TRAT1: variants seen among roughly 807,000 people sequenced by gnomAD.
The protein encoded by TRAT1 is T-cell receptor-associated transmembrane adapter 1.
A neutral mutation model predicts 20.0 loss-of-function variants in TRAT1; 20 were observed. The ratio of observed to expected loss-of-function variants is 1.00; its 90% CI spans 0.70 to 1.45. The LOEUF (loss-of-function observed/expected upper bound fraction) is 1.45. Ranked by LOEUF, TRAT1 falls within the 40% of genes most tolerant of loss-of-function variation. The probability of loss-of-function intolerance (pLI) is 0.00; values close to 1 mark genes in which losing one functional copy is unlikely to be tolerated. For missense variants in TRAT1, 237 were observed against 224.1 expected (o/e 1.06, Z -0.37); for synonymous variants, 77 against 74.2 (o/e 1.04, Z -0.20).
intron 2 of TRAT1, 41 bp from the exon 3 acceptor site, chr3:108,838,893 T>A (rs1363934532): frequency 2.7e-6 from 4 of 1,482,462 alleles, no homozygotes; most frequent in East Asian, 4.5e-5. Flanking sequence ...CAAAGGTATG[T>A]CAACATTTCT....
intron 1 of TRAT1, among the ~76,000 whole-genome samples, chr3:108,826,222 G>A (rs942300646): frequency 1.3e-4 from 5 of 37,546 alleles, no homozygotes; most frequent in African/African-American, 5.1e-4. Context: ...TTGTCTTAGT[G>A]AGATTCAGCC....
chr3:108,844,611 G>A (rs1038090141), intron 3 of TRAT1, among the ~76,000 whole-genome samples: 8 of 151,706 alleles, frequency 5.3e-5, no homozygotes, highest in East Asian at 3.9e-4. Context: ...TTGGGAGGCC[G>A]AGGCGGGCAG....
chr3:108,840,814 C>T (rs1460960831), intron 3 of TRAT1, among the ~76,000 whole-genome samples: 1 of 152,214 alleles, frequency 6.6e-6, no homozygotes, highest in African/African-American at 2.4e-5. Flanking sequence ...ATTACTTACT[C>T]AGCAAAGGAC....
At chr3:108,842,135 G>A (rs574664904) in intron 3 of TRAT1, among the ~76,000 whole-genome samples, 1 of 152,252 alleles carries the variant, frequency 6.6e-6, no homozygotes, top group South Asian at 2.1e-4. Flanking sequence ...ATTACATTAA[G>A]CTTATCATGA....
intron 1 of TRAT1, among the ~76,000 whole-genome samples, chr3:108,826,782 C>T (rs1425372534): frequency 2.6e-5 from 4 of 152,136 alleles, no homozygotes; most frequent in African/African-American, 4.8e-5. Flanking sequence ...ATACTATAAA[C>T]TCATACACTT....
At chr3:108,837,720 C>T (rs1417196959) in intron 2 of TRAT1, among the ~76,000 whole-genome samples, 2 of 152,016 alleles carry the variant, frequency 1.3e-5, no homozygotes, top group African/African-American at 4.8e-5. Context: ...TTATTTAATG[C>T]CAGGTTGAAA....
At chr3:108,827,761 A>G (rs1945754753) in intron 1 of TRAT1, among the ~76,000 whole-genome samples, 1 of 152,146 alleles carries the variant, frequency 6.6e-6, no homozygotes, top group Non-Finnish European at 1.5e-5. Flanking sequence ...AAGGCCTCCA[A>G]GTGGTTATGT....
intron 2 of TRAT1, among the ~76,000 whole-genome samples, chr3:108,834,627 C>A (rs1048926867): frequency 1.3e-5 from 2 of 152,214 alleles, no homozygotes; most frequent in Non-Finnish European, 2.9e-5. Flanking sequence ...GAATGAAATG[C>A]CCCTGTATCT....
At chr3:108,823,515 A>T (rs1945710769) in intron 1 of TRAT1, among the ~76,000 whole-genome samples, 1 of 152,156 alleles carries the variant, frequency 6.6e-6, no homozygotes, top group South Asian at 2.1e-4. Context: ...TATTTTATGT[A>T]CTTTTAATTT....
At position 108,827,384 on chromosome 3, in the gene TRAT1, A is replaced by ATGTG. The variant is rs71103493; in HGVS notation, c.8-3252_8-3249dup. 6.8e-3 allele frequency among the ~76,000 whole-genome samples: 989 copies of ATGTG among 145,204 alleles called. 8 individuals carry two copies. The highest frequency in any genetic ancestry group is 0.028 in the Middle Eastern group (8 of 286). On this transcript the variant is annotated intron_variant, in intron 1 of 5. Transcript: ENST00000295756. The stretch of plus-strand genomic sequence containing the variant: ...AAGGGGAGGTATAAAGTATGTGTGT[A>ATGTG]TGTGTGTGTGTGTGTGTGTGTGTGT...
intron 3 of TRAT1, among the ~76,000 whole-genome samples, chr3:108,843,638 G>C (rs550594472): frequency 1.3e-5 from 2 of 152,110 alleles, no homozygotes; most frequent in Non-Finnish European, 2.9e-5. Context: ...AACTTGAAAG[G>C]TCCCTCTATA....
At chr3:108,849,630 G>A (rs992972160) in intron 5 of TRAT1, among the ~76,000 whole-genome samples, 2 of 152,110 alleles carry the variant, frequency 1.3e-5, no homozygotes, top group Admixed American at 6.5e-5. Context: ...GGTAGGGAGA[G>A]GGAGACCTTT....
rs575139440 is a variant in TRAT1, at chr3:108,823,687, T to C, written c.7+753T>C. Reference sequence around the variant, plus strand: ...AAATTTTATTTATATACATTCTATATAGTTTGCTTTTCATAACTGAAATAA... The same window carrying C: ...AAATTTTATTTATATACATTCTATACAGTTTGCTTTTCATAACTGAAATAA... On this transcript the variant is annotated intron_variant, in intron 1 of 5. Coordinates refer to ENST00000295756, the MANE Select transcript of TRAT1 (RefSeq NM_016388.4). Among the ~76,000 whole-genome samples, 3 of 152,326 alleles carry C rather than the reference T, an allele frequency of 2.0e-5. No homozygotes were observed. In the South Asian group the frequency reaches 6.2e-4, roughly 32 times the overall value.
At chr3:108,835,465 C>T (rs1321507884) in intron 2 of TRAT1, among the ~76,000 whole-genome samples, 2 of 152,194 alleles carry the variant, frequency 1.3e-5, no homozygotes, top group Non-Finnish European at 2.9e-5. Context: ...CATGACAGAG[C>T]AAACTTTTCA....
At chr3:108,824,380 G>T (rs1576516232) in intron 1 of TRAT1, among the ~76,000 whole-genome samples, 1 of 151,998 alleles carries the variant, frequency 6.6e-6, no homozygotes, top group East Asian at 1.9e-4. Flanking sequence ...TCCTTCACAG[G>T]CTGATCTCCT....
At chr3:108,850,193 C>T (rs1199055145) in intron 5 of TRAT1, among the ~76,000 whole-genome samples, 1 of 152,132 alleles carries the variant, frequency 6.6e-6, no homozygotes, top group East Asian at 1.9e-4. Flanking sequence ...ACTTAGTCCT[C>T]TCTTACAGAA....
At chr3:108,830,619 C>G in intron 1 of TRAT1, 51 bp from the exon 2 acceptor site, 1 of 1,281,374 alleles carries the variant, frequency 7.8e-7, no homozygotes, top group Non-Finnish European at 1.1e-6. Context: ...CAGACCAAAA[C>G]AAATGGGTAA....
intron 2 of TRAT1, among the ~76,000 whole-genome samples, chr3:108,832,997 T>C (rs1352448304): frequency 2.6e-5 from 4 of 152,218 alleles, no homozygotes; most frequent in African/African-American, 4.8e-5. Flanking sequence ...AATTCTCATT[T>C]TTGGTAGTTT....
chr3:108,849,926 T>C (rs1945982697), intron 5 of TRAT1, among the ~76,000 whole-genome samples: 1 of 152,242 alleles, frequency 6.6e-6, no homozygotes, highest in African/African-American at 2.4e-5. Context: ...TACATGCTCC[T>C]GAAATGCTAT....
Sources: allele counts gnomAD v4.1 joint callset (sites outside exome capture counted in the v4.1 genomes callset), GRCh38; gene constraint gnomAD v4.1.1; transcripts MANE v1.5; gene names NCBI Gene and HGNC (gene_info 2026-07-23, HGNC 2026-07-21).